The following ARSJ variants were observed in gnomAD, a reference collection of about 807,000 sequenced individuals.
ARSJ encodes arylsulfatase J.
In ARSJ, 26 loss-of-function variants were observed where a neutral mutation model predicts 35.9. The ratio of observed to expected loss-of-function variants is 0.72; its 90% CI spans 0.53 to 1.00. ARSJ has a LOEUF of 1.00. Among genes scored for constraint, ARSJ ranks in the 50% least tolerant of loss-of-function variants. The pLI is 0.00. For missense variants in ARSJ, 667 were observed against 723.6 expected (o/e 0.92, Z 0.90); for synonymous variants, 294 against 267.6 (o/e 1.10, Z -0.96).
chr4:113,931,403 G>C (rs767538559), intron 1 of ARSJ, among the ~76,000 whole-genome samples: 32 of 151,976 alleles, frequency 2.1e-4, no homozygotes, highest in African/African-American at 5.3e-4. Flanking sequence ...AAACATAAAG[G>C]GTACAGAAGA....
Position 113,903,136 on chromosome 4 carries a change from G to A in ARSJ, c.938C>T (p.Thr313Ile). ...AATGCTGTTGTTATAGAAACCATAA[G>A]TCTTTAGAGCCAATGTCACGTTGTT... ...AINNVTLALK[T>I]YGFYNNSIII... Residue 313 changes from threonine (T) to isoleucine (I), a missense_variant, in exon 2 of 2, where the codon ACT (threonine) becomes ATT (isoleucine). Thr to Ile is a moderately conservative substitution (Grantham distance 89). Coordinates refer to ENST00000315366, the MANE Select transcript of ARSJ (RefSeq NM_024590.4). The A allele has an allele frequency of 6.2e-7, 1 of 1,614,178 alleles. No individual in the cohort carries two copies. The highest frequency in any genetic ancestry group is 8.5e-7 in the Non-Finnish European group (1 of 1,180,030).
intron 1 of ARSJ, among the ~76,000 whole-genome samples, chr4:113,965,882 C>T (rs1726862919): frequency 6.6e-6 from 1 of 151,932 alleles, no homozygotes; most frequent in Non-Finnish European, 1.5e-5. Flanking sequence ...GTCTGAATCA[C>T]TCTGTTCACA....
intron 1 of ARSJ, among the ~76,000 whole-genome samples, chr4:113,942,985 ATAAAGG>A (rs1004604739): frequency 2.0e-4 from 30 of 152,156 alleles, no homozygotes; most frequent in Admixed American, 1.8e-3. Flanking sequence ...ATATTCATTC[ATAAAGG>A]TAGATTTTGA....
Position 113,902,067 on chromosome 4 carries a change from G to A in ARSJ, c.*207C>T. 1 of 1,485,442 alleles carries A rather than the reference G, an allele frequency of 6.7e-7. No individual in the cohort carries two copies. The highest frequency in any genetic ancestry group is 9.1e-7 in the Non-Finnish European group (1 of 1,100,676). 92.0% of individuals were successfully genotyped at this position (1,485,442 alleles called of 1,614,324 possible). Reference sequence around the variant, plus strand: ...ATAAACATCTCCACTCTCTCTAAGTGTGGCTTGCAAGAGTAGCACCTTGGC... The same window carrying A: ...ATAAACATCTCCACTCTCTCTAAGTATGGCTTGCAAGAGTAGCACCTTGGC... On this transcript the variant is annotated 3_prime_UTR_variant, in exon 2 of 2. Coordinates refer to ENST00000315366, the MANE Select transcript of ARSJ (RefSeq NM_024590.4).
At chr4:113,972,310 A>C (rs997174289) in intron 1 of ARSJ, among the ~76,000 whole-genome samples, 8 of 149,906 alleles carry the variant, frequency 5.3e-5, no homozygotes, top group African/African-American at 1.5e-4. Context: ...AAAAAAACAA[A>C]AAAAAAAACC....
At position 113,902,054 on chromosome 4, in the gene ARSJ, A is replaced by G. The variant is rs544212956; in HGVS notation, c.*220T>C. On this transcript the variant is annotated 3_prime_UTR_variant, in exon 2 of 2. Transcript: ENST00000315366. ...AGGAGCAAGAGAAATAAACATCTCCACTCTCTCTAAGTGTGGCTTGCAAGA... is the reference window on the plus strand; with the variant it reads ...AGGAGCAAGAGAAATAAACATCTCCGCTCTCTCTAAGTGTGGCTTGCAAGA... The G allele has an allele frequency of 8.7e-5, 122 of 1,401,288 alleles. 1 individual carries two copies. In the South Asian group the frequency reaches 1.4e-3, roughly 16 times the overall value. 86.8% of individuals were successfully genotyped at this position (1,401,288 alleles called of 1,614,324 possible).
Position 113,978,872 on chromosome 4 carries a change from A to G in ARSJ, c.-38T>C, listed in dbSNP as rs777909842. 1.3e-6 allele frequency: 2 copies of G among 1,547,046 alleles called. No individual in the cohort carries two copies. Among genetic ancestry groups the G allele is most frequent in the Admixed American group, 4.1e-5 (2 of 48,818 alleles). On this transcript the variant is annotated 5_prime_UTR_variant, in exon 1 of 2. Transcript: ENST00000315366. ...CAGGTGAGACTCCACGCGGAGAACC[A>G]CGCGCCCCGCGCCGCTGCGGGCGCA... is the stretch of plus-strand genomic sequence containing the variant.
At chr4:113,933,343 T>C (rs2149265375) in intron 1 of ARSJ, among the ~76,000 whole-genome samples, 1 of 151,926 alleles carries the variant, frequency 6.6e-6, no homozygotes, top group East Asian at 1.9e-4. Context: ...ATATTAAAGC[T>C]CATGCTACCA....
intron 1 of ARSJ, chr4:113,944,189 G>A (rs879418344): frequency 2.6e-5 from 4 of 152,040 alleles, no homozygotes; most frequent in Non-Finnish European, 4.4e-5. Flanking sequence ...GGCCAGATAA[G>A]GGATGCATGT....
chr4:113,927,576 C>T (rs1330870476), intron 1 of ARSJ, among the ~76,000 whole-genome samples: 1 of 152,180 alleles, frequency 6.6e-6, no homozygotes, highest in Admixed American at 6.5e-5. Context: ...TTCTGGGGTC[C>T]TTATGGACAG....
In ARSJ at chr4:113,903,422, A is replaced by G; in HGVS notation, c.652T>C (p.Cys218Arg). ...THYKCDSPGMCGYDLYENDNA... is the reference protein window; with the variant it reads ...THYKCDSPGMRGYDLYENDNA... ...TCGTTTTCATACAAGTCATAGCCAC[A>G]CATCCCAGGACTGTCACATTTGTAG... is the stretch of plus-strand genomic sequence containing the variant. The change falls in exon 2 of 2, where the codon TGT becomes CGT. Residue 218 changes from cysteine (C) to arginine (R), a missense_variant. Coordinates refer to ENST00000315366, the MANE Select transcript of ARSJ (RefSeq NM_024590.4). 2 of 1,614,202 alleles carry G rather than the reference A, an allele frequency of 1.2e-6. No homozygotes were observed. The highest frequency in any genetic ancestry group is 1.7e-6 in the Non-Finnish European group (2 of 1,180,026).
At chr4:113,948,656 A>G (rs1725657629) in intron 1 of ARSJ, among the ~76,000 whole-genome samples, 1 of 152,078 alleles carries the variant, frequency 6.6e-6, no homozygotes, top group Non-Finnish European at 1.5e-5. Flanking sequence ...AGCTATATGT[A>G]TATGTCTAAG....
intron 1 of ARSJ, among the ~76,000 whole-genome samples, chr4:113,929,962 A>G (rs1438021421): frequency 6.6e-6 from 1 of 152,122 alleles, no homozygotes; most frequent in East Asian, 1.9e-4. Context: ...CTCTCTAAAC[A>G]GTTCATGTCA....
Position 113,943,135 on chromosome 4 carries a change from C to G in ARSJ, c.398+35302G>C, listed in dbSNP as rs925140914. 4 of 152,006 alleles carry G rather than the reference C, an allele frequency of 2.6e-5. No individual in the cohort carries two copies. The East Asian group carries it at 5.8e-4, about 22-fold the overall frequency. 9.4% of individuals were successfully genotyped at this position (152,006 alleles called of 1,614,324 possible). ...CTTAGACAACTTTAATTAAGAGGAG[C>G]CAGCTTGTGCCATAGGCTCCAATTT... On this transcript the variant is annotated intron_variant, in intron 1 of 1. Coordinates refer to ENST00000315366, the MANE Select transcript of ARSJ (RefSeq NM_024590.4).
rs886898440 is a variant in ARSJ, at chr4:113,922,035, T to C, written c.399-18360A>G. On this transcript the variant is annotated intron_variant, in intron 1 of 1. Coordinates refer to ENST00000315366, the MANE Select transcript of ARSJ (RefSeq NM_024590.4). ...TTTACCTTGTGATCCAACTTCCCCATACAAATGTGAAAGACAGCAGTATCA... is the reference window on the plus strand; with the variant it reads ...TTTACCTTGTGATCCAACTTCCCCACACAAATGTGAAAGACAGCAGTATCA... 5.9e-5 allele frequency among the ~76,000 whole-genome samples: 9 copies of C among 152,262 alleles called. No individual in the cohort carries two copies. The East Asian group carries it at 7.7e-4, about 13-fold the overall frequency.
chr4:113,971,974 A>G (rs1001900857), intron 1 of ARSJ, among the ~76,000 whole-genome samples: 1 of 152,210 alleles, frequency 6.6e-6, no homozygotes, highest in Non-Finnish European at 1.5e-5. Context: ...TCCTTCTCCT[A>G]TCAGAGTGGC....
chr4:113,924,030 T>C (rs1723852684), intron 1 of ARSJ, among the ~76,000 whole-genome samples: 1 of 3,690 alleles, frequency 2.7e-4, no homozygotes, highest in Non-Finnish European at 4.9e-3. Context: ...TACATATATA[T>C]ATATAAATAT....
In ARSJ at chr4:113,978,556, G is replaced by A; in HGVS notation, c.279C>T (p.Tyr93=). 3 of 1,614,222 alleles carry A rather than the reference G, an allele frequency of 1.9e-6. No homozygotes were observed. The highest frequency in any genetic ancestry group is 2.5e-6 in the Non-Finnish European group (3 of 1,180,024). Reference sequence around the variant, plus strand: ...TAGGTGTTTTAATCTCAGATCCGTGGTAACCCACATCTCTAAATCCCTGAT... The same window carrying A: ...TAGGTGTTTTAATCTCAGATCCGTGATAACCCACATCTCTAAATCCCTGAT... ...ADDQGFRDVG[Y]HGSEIKTPTL... The change falls in exon 1 of 2, where the codon TAC becomes TAT. Residue 93 remains tyrosine (Y), a synonymous_variant. Transcript: ENST00000315366.
chr4:113,965,552 TA>T (rs934795666), intron 1 of ARSJ, among the ~76,000 whole-genome samples: 2 of 152,026 alleles, frequency 1.3e-5, no homozygotes, highest in African/African-American at 4.8e-5. Flanking sequence ...GGAGAATATA[TA>T]AAAGAGATAC....
Sources: gnomAD v4.1 joint callset for allele counts (sites outside exome capture counted in the v4.1 genomes callset) on GRCh38, gnomAD v4.1.1 for gene constraint, MANE v1.5 for transcripts, NCBI Gene and HGNC (gene_info 2026-07-23, HGNC 2026-07-21) for gene names.